Variants in MTA3 observed in about 807,000 individuals in gnomAD.
MTA3 encodes metastasis-associated protein MTA3.
A neutral mutation model predicts 83.5 loss-of-function variants in MTA3; 34 were observed. That is an observed-to-expected ratio of 0.41 (90% CI 0.31 to 0.54). The LOEUF (loss-of-function observed/expected upper bound fraction) is 0.54. Ranked by LOEUF, MTA3 falls within the 20% of genes least tolerant of loss-of-function variation. The probability of loss-of-function intolerance (pLI) is 0.33; values close to 1 mark genes in which losing one functional copy is unlikely to be tolerated. For synonymous variants in MTA3, 303 were observed against 252.7 expected, an observed-to-expected ratio of 1.20 and a Z score of -1.89; for missense variants, 761 against 726.4, an observed-to-expected ratio of 1.05 and a Z score of -0.55.
chr2:42,511,190 C>G (rs1233532600), intron 2 of MTA3, among the ~76,000 whole-genome samples: 1 of 152,058 alleles, frequency 6.6e-6, no homozygotes, highest in Non-Finnish European at 1.5e-5. Flanking sequence ...GTAGATGCAA[C>G]CAAAATAGCA....
chr2:42,586,323 G>A lies in MTA3; in HGVS notation c.190+7123G>A, dbSNP rs557493695. ...ATTTAGGCCAGGGGCAGTGGCTTAC[G>A]CCTGTAATCCAAGCACTTTTGGAGG... On this transcript the variant is annotated intron_variant, in intron 3 of 16. Coordinates refer to ENST00000405094, the MANE Select transcript of MTA3 (RefSeq NM_001330442.2). Among the ~76,000 whole-genome samples, 24 of 149,898 alleles carry A rather than the reference G, an allele frequency of 1.6e-4. No individual in the cohort carries two copies. The South Asian group carries it at 4.7e-3, about 29-fold the overall frequency.
chr2:42,710,424 G>T lies in MTA3; in HGVS notation c.1525+1328G>T, dbSNP rs576275784. Among the ~76,000 whole-genome samples, 3 of 151,944 alleles carry T rather than the reference G, an allele frequency of 2.0e-5. No homozygotes were observed. In the East Asian group the frequency reaches 5.8e-4, roughly 29 times the overall value. The stretch of plus-strand genomic sequence containing the variant: ...AAATTAGCCAGGCGTGGTGGCAGGC[G>T]CCTGTAATCCCAGCTACTCAGGAGG... On this transcript the variant is annotated intron_variant, in intron 14 of 16. Coordinates refer to ENST00000405094, the MANE Select transcript of MTA3 (RefSeq NM_001330442.2).
At chr2:42,741,183 G>A (rs927283668) in intron 16 of MTA3, among the ~76,000 whole-genome samples, 3 of 152,174 alleles carry the variant, frequency 2.0e-5, no homozygotes, top group Non-Finnish European at 2.9e-5. Flanking sequence ...TTCTTCTCCA[G>A]CTTCCTCACC....
chr2:42,636,459 T>A (rs1052403812), intron 4 of MTA3, among the ~76,000 whole-genome samples: 1 of 151,894 alleles, frequency 6.6e-6, no homozygotes, highest in Non-Finnish European at 1.5e-5. Context: ...GGAGGATTGA[T>A]TGAGTCCAGG....
intron 6 of MTA3, 133 bp downstream of exon 6, chr2:42,644,377 C>A: frequency 3.6e-6 from 2 of 548,138 alleles, no homozygotes; most frequent in Non-Finnish European, 6.4e-6. Context: ...TTTTACTGTT[C>A]TTTGTAAAAA....
chr2:42,701,071 C>T (rs1242130357), intron 11 of MTA3, among the ~76,000 whole-genome samples: 1 of 152,070 alleles, frequency 6.6e-6, no homozygotes, highest in Non-Finnish European at 1.5e-5. Flanking sequence ...GCACTCTAGT[C>T]TGGGCAACAG....
rs570149916 is a variant in MTA3 at position 42,658,454 on chromosome 2, G to C, written c.603-1309G>C. Among the ~76,000 whole-genome samples, 13 of 152,300 alleles carry C rather than the reference G, an allele frequency of 8.5e-5. No individual in the cohort carries two copies. The South Asian group carries it at 1.0e-3, about 12-fold the overall frequency. ...AGAGTGGAGGTGGGGATGAGACGTC[G>C]TACAACGGAATGTCGCGTAACAGGG... On this transcript the variant is annotated intron_variant, in intron 7 of 16. Coordinates refer to ENST00000405094, the MANE Select transcript of MTA3 (RefSeq NM_001330442.2).
intron 2 of MTA3, among the ~76,000 whole-genome samples, chr2:42,576,794 G>C (rs758928290): frequency 6.6e-6 from 1 of 152,174 alleles, no homozygotes; most frequent in Non-Finnish European, 1.5e-5. Flanking sequence ...CTACTCGGGA[G>C]GCTGAGGCAG....
chr2:42,608,757 G>A (rs985475188), intron 3 of MTA3, among the ~76,000 whole-genome samples: 3 of 152,014 alleles, frequency 2.0e-5, no homozygotes, highest in African/African-American at 7.2e-5. Flanking sequence ...GGTGATGTAC[G>A]CCTGTAATCA....
chr2:42,629,229 G>A (rs927503227), intron 4 of MTA3, among the ~76,000 whole-genome samples: 15 of 151,954 alleles, frequency 9.9e-5, no homozygotes, highest in Admixed American at 2.6e-4. Context: ...ACAGGTGCAC[G>A]CCACTATGCC....
chr2:42,547,970 G>C (rs115710433), intron 2 of MTA3, among the ~76,000 whole-genome samples: 1,614 of 152,272 alleles, frequency 0.011, 25 homozygotes, highest in African/African-American at 0.037. Context: ...AAGAAGTACG[G>C]AGTCCTTCTA....
chr2:42,556,830 T>G (rs1677415645), intron 2 of MTA3, among the ~76,000 whole-genome samples: 1 of 152,190 alleles, frequency 6.6e-6, no homozygotes, highest in South Asian at 2.1e-4. Flanking sequence ...AGCATTGCTC[T>G]GACCTCATGG....
chr2:42,582,260 G>A (rs776606273), intron 3 of MTA3, among the ~76,000 whole-genome samples: 2 of 152,038 alleles, frequency 1.3e-5, no homozygotes, highest in African/African-American at 4.8e-5. Context: ...GGGTTTCACC[G>A]CGTTAGCCAG....
At chr2:42,706,276 A>G (rs1666072072) in intron 12 of MTA3, among the ~76,000 whole-genome samples, 1 of 152,152 alleles carries the variant, frequency 6.6e-6, no homozygotes, top group Non-Finnish European at 1.5e-5. Context: ...AAGGTATAAT[A>G]ATAATAAAAT....
chr2:42,755,820 C>T lies in MTA3; in HGVS notation c.*2421C>T. ...ACGTGCAGAGACTGTCTGCGCAGCC[C>T]CCAGCAGACATGCCCCTGGGGTGAG... On this transcript the variant is annotated 3_prime_UTR_variant, in exon 17 of 17. Coordinates refer to ENST00000405094, the MANE Select transcript of MTA3 (RefSeq NM_001330442.2). 10 of 985,534 alleles carry T rather than the reference C, an allele frequency of 1.0e-5. No homozygotes were observed. The highest frequency in any genetic ancestry group is 1.2e-5 in the Non-Finnish European group (10 of 830,010). 61.0% of individuals were successfully genotyped at this position (985,534 alleles called of 1,614,324 possible). A position where few individuals can be genotyped will look rare whatever the true frequency, so the allele number is the denominator to read the frequency against.
intron 9 of MTA3, 94 bp from the exon 10 acceptor site, chr2:42,695,671 G>T (rs989663910): frequency 5.7e-5 from 27 of 471,748 alleles, no homozygotes; most frequent in Admixed American, 1.4e-4. Flanking sequence ...AGAAAGTGGT[G>T]GTTTTTAAGG....
Position 42,705,624 on chromosome 2 carries a change from T to C in MTA3, c.1150+1306T>C, listed in dbSNP as rs1350028523. 3.9e-5 allele frequency among the ~76,000 whole-genome samples: 6 copies of C among 152,216 alleles called. No homozygotes were observed. In the East Asian group the frequency reaches 1.2e-3, roughly 29 times the overall value. The stretch of plus-strand genomic sequence containing the variant: ...AGGAGGCTGAGGCAGGAGAATAGCT[T>C]GAACCCAGGAGGCAGAGGTTGCAGT... On this transcript the variant is annotated intron_variant, in intron 12 of 16. Transcript: ENST00000405094.
intron 9 of MTA3, among the ~76,000 whole-genome samples, chr2:42,683,126 G>A (rs1244705371): frequency 1.3e-5 from 2 of 152,190 alleles, no homozygotes; most frequent in African/African-American, 4.8e-5. Context: ...TGTGTTTTTG[G>A]TGTAAACCTT....
chr2:42,518,949 G>T (rs542513462), intron 2 of MTA3, among the ~76,000 whole-genome samples: 1 of 149,652 alleles, frequency 6.7e-6, no homozygotes, highest in African/African-American at 2.5e-5. Flanking sequence ...CTAAGTGACA[G>T]AGTGAGACCC....
Sources: allele counts gnomAD v4.1 joint callset (sites outside exome capture counted in the v4.1 genomes callset), GRCh38; gene constraint gnomAD v4.1.1; transcripts MANE v1.5; gene names NCBI Gene and HGNC (gene_info 2026-07-23, HGNC 2026-07-21).